NBEAL1: variants seen among roughly 807,000 people sequenced by gnomAD.
NBEAL1 encodes neurobeachin like 1.
A neutral mutation model predicts 351.3 loss-of-function variants in NBEAL1; 273 were observed. The ratio of observed to expected loss-of-function variants is 0.78; its 90% confidence interval spans 0.70 to 0.86. The LOEUF (loss-of-function observed/expected upper bound fraction) is 0.86. Among genes scored for constraint, NBEAL1 ranks in the 40% least tolerant of loss-of-function variants. The probability of loss-of-function intolerance (pLI) is 0.00; values close to 1 mark genes in which losing one functional copy is unlikely to be tolerated. For missense variants in NBEAL1, 2,961 were observed against 3,201.3 expected, an observed-to-expected ratio of 0.92 and a Z score of 1.81; for synonymous variants, 1,050 against 1,086.4, an observed-to-expected ratio of 0.97 and a Z score of 0.66.
At chr2:203,214,537 G>GA (rs1395933995) in intron 55 of NBEAL1, among the ~76,000 whole-genome samples, 2 of 152,224 alleles carry the variant, frequency 1.3e-5, no homozygotes, top group African/African-American at 4.8e-5. Flanking sequence ...CACTTTGGGG[G>GA]ACCGAGACGA....
chr2:203,204,813 AAGAAAAGCTAT>A (rs1248141666), intron 51 of NBEAL1, among the ~76,000 whole-genome samples: 1 of 152,112 alleles, frequency 6.6e-6, no homozygotes, highest in African/African-American at 2.4e-5. Flanking sequence ...TGTTAATATA[AAGAAAAGCTAT>A]ATAGTGATTT....
At chr2:203,031,547 A>AG (rs2060949547) in intron 2 of NBEAL1, among the ~76,000 whole-genome samples, 1 of 152,218 alleles carries the variant, frequency 6.6e-6, no homozygotes, top group Non-Finnish European at 1.5e-5. Context: ...GCACATGAAC[A>AG]GGCAAGAGCA....
At position 203,221,587 on chromosome 2, in the gene NBEAL1, C is replaced by G. The variant is rs968963187; in HGVS notation, c.*4233C>G. 3.3e-5 allele frequency among the ~76,000 whole-genome samples: 5 copies of G among 152,150 alleles called. No individual in the cohort carries two copies. Among genetic ancestry groups the G allele is most frequent in the African/African-American group, 9.7e-5 (4 of 41,438 alleles). On this transcript the variant is annotated 3_prime_UTR_variant, in exon 56 of 56. Transcript: ENST00000683969. The stretch of plus-strand genomic sequence containing the variant: ...TTTGCATCATCAGCCATACTCATGG[C>G]TTATCCTACGCATTGTTCCTCTCAT...
At chr2:203,041,629 A>T (rs1383865558) in intron 2 of NBEAL1, 136 bp from the exon 3 acceptor site, 1 of 624,098 alleles carries the variant, frequency 1.6e-6, no homozygotes, top group Non-Finnish European at 2.8e-6. Flanking sequence ...ACATTTTAAA[A>T]CAGCACATAT....
At chr2:203,136,515 A>T in intron 28 of NBEAL1, 84 bp from the exon 29 acceptor site, 1 of 996,168 alleles carries the variant, frequency 1.0e-6, no homozygotes, top group East Asian at 2.5e-5. Flanking sequence ...AAATGATTAC[A>T]ATGAGTATAT....
At chr2:203,172,059 C>A in intron 40 of NBEAL1, 36 bp downstream of exon 40, 1 of 1,261,102 alleles carries the variant, frequency 7.9e-7, no homozygotes, top group South Asian at 1.4e-5. Context: ...TGTGGAATTG[C>A]CCTACAGTTT....
In NBEAL1 at chr2:203,037,689, G is replaced by C. The variant is rs1387464622; in HGVS notation, c.52-4076G>C. ...TAGAACTTCATATAAGTGATATCAG[G>C]CTGGTCGAGGTGGCTCAACCTATAA... On this transcript the variant is annotated intron_variant, in intron 2 of 55. Coordinates refer to ENST00000683969, the MANE Select transcript of NBEAL1 (RefSeq NM_001378026.1). Among the ~76,000 whole-genome samples the C allele has an allele frequency of 4.0e-5, 6 of 148,954 alleles. No individual in the cohort carries two copies. The East Asian group carries it at 1.2e-3, about 29-fold the overall frequency.
rs1432340185 is a variant in NBEAL1, at chr2:203,113,268, T to C, written c.2456T>C (p.Ile819Thr). Residue 819 changes from isoleucine to threonine, a missense_variant, in exon 17 of 56, where the codon ATC becomes ACC. Ile to Thr is a moderately conservative substitution (Grantham distance 89). Coordinates refer to ENST00000683969, the MANE Select transcript of NBEAL1 (RefSeq NM_001378026.1). ...GAGGGTCAGCTAGGATCTGTTATCA[T>C]CTTTTATGAACCACTACAACCTCCT... ...SLEGQLGSVI[I>T]FYEPLQPPQV... is the part of the protein sequence containing the mutation. 8 of 1,486,396 alleles carry C rather than the reference T, an allele frequency of 5.4e-6. No individual in the cohort carries two copies. In the East Asian group the frequency reaches 2.0e-4, roughly 37 times the overall value. 92.1% of individuals were successfully genotyped at this position (1,486,396 alleles called of 1,614,324 possible).
At chr2:203,171,075 G>C (rs767982393) in intron 39 of NBEAL1, among the ~76,000 whole-genome samples, 2 of 151,200 alleles carry the variant, frequency 1.3e-5, no homozygotes, top group Admixed American at 6.6e-5. Flanking sequence ...TGGCCAACAT[G>C]GTGAAACCCC....
At chr2:203,119,423 G>GTTTTTTTTTTTTTTTTTTTTTT (rs1559379701) in intron 18 of NBEAL1, among the ~76,000 whole-genome samples, 6 of 21,432 alleles carry the variant, frequency 2.8e-4, no homozygotes, top group Non-Finnish European at 6.9e-4. Context: ...ACGGCCTGTT[G>GTTTTTTTTTTTTTTTTTTTTTT]CTTTTTTTTT....
chr2:203,126,042 C>A lies in NBEAL1; in HGVS notation c.2934C>A (p.Gly978=), dbSNP rs1256727284. The change falls in exon 21 of 56, where the codon GGC becomes GGA. Residue 978 remains glycine, a synonymous_variant. Coordinates refer to ENST00000683969, the MANE Select transcript of NBEAL1 (RefSeq NM_001378026.1). The part of the protein sequence containing the change: ...HFIQRHPINQ[G]NLIHSHGVAT... ...TTCAGAGACATCCTATCAACCAGGG[C>A]AATCTTATTCACTCCCATGGAGTTG... is the stretch of plus-strand genomic sequence containing the variant. The A allele has an allele frequency of 6.5e-7, 1 of 1,542,988 alleles. No homozygotes were observed. Among genetic ancestry groups the A allele is most frequent in the East Asian group, 2.5e-5 (1 of 40,624 alleles).
intron 34 of NBEAL1, 88 bp downstream of exon 34, chr2:203,149,236 T>G (rs1372076543): frequency 1.1e-6 from 1 of 876,846 alleles, no homozygotes; most frequent in African/African-American, 1.7e-5. Context: ...TTCACTCCAA[T>G]TTCTTAAATG....
intron 18 of NBEAL1, among the ~76,000 whole-genome samples, chr2:203,117,417 C>T (rs1013734997): frequency 7.9e-5 from 12 of 151,966 alleles, no homozygotes; most frequent in Non-Finnish European, 1.6e-4. Context: ...GAGCCGAGAT[C>T]GTGCCACTGC....
At chr2:203,142,987 C>A (rs541850210) in intron 31 of NBEAL1, among the ~76,000 whole-genome samples, 12 of 152,264 alleles carry the variant, frequency 7.9e-5, no homozygotes, top group African/African-American at 2.6e-4. Context: ...CTCTTGTTGC[C>A]TTATCCTGCA....
At chr2:203,108,588 A>AGAGATGGGGTTTCACCGTGT (rs1250857987) in intron 14 of NBEAL1, among the ~76,000 whole-genome samples, 1 of 151,406 alleles carries the variant, frequency 6.6e-6, no homozygotes, top group Non-Finnish European at 1.5e-5. Context: ...TTTTTTTCGT[A>AGAGATGGGGTTTCACCGTGT]GAGATGGGGT....
intron 50 of NBEAL1, among the ~76,000 whole-genome samples, chr2:203,202,154 G>GT (rs1406639474): frequency 6.6e-6 from 1 of 152,020 alleles, no homozygotes; most frequent in African/African-American, 2.4e-5. Flanking sequence ...CATTGAGTAG[G>GT]TTTTTTTCTA....
chr2:203,223,251 T>C lies in NBEAL1; in HGVS notation c.*5897T>C, dbSNP rs1005876227. On this transcript the variant is annotated 3_prime_UTR_variant, in exon 56 of 56. Coordinates refer to ENST00000683969, the MANE Select transcript of NBEAL1 (RefSeq NM_001378026.1). Reference sequence around the variant, plus strand: ...TGCCCATAATCTTATGAACTGAAAATTCAGAAGGAAAAGAACAAATAGAAA... The same window carrying C: ...TGCCCATAATCTTATGAACTGAAAACTCAGAAGGAAAAGAACAAATAGAAA... Among the ~76,000 whole-genome samples, 2 of 152,092 alleles carry C rather than the reference T, an allele frequency of 1.3e-5. No homozygotes were observed. The highest frequency in any genetic ancestry group is 2.9e-5 in the Non-Finnish European group (2 of 67,964).
At chr2:203,116,822 A>G (rs2106257991) in intron 18 of NBEAL1, among the ~76,000 whole-genome samples, 1 of 150,366 alleles carries the variant, frequency 6.7e-6, no homozygotes, top group South Asian at 2.1e-4. Context: ...GGGGCCCAGC[A>G]CAGTGGCTGT....
At chr2:203,130,226 G>T (rs2063042211) in intron 24 of NBEAL1, 92 bp from the exon 25 acceptor site, 2 of 1,188,906 alleles carry the variant, frequency 1.7e-6, no homozygotes, top group African/African-American at 1.6e-5. Flanking sequence ...CATTATATAG[G>T]ATTTAATTAA....
Sources: allele counts gnomAD v4.1 joint callset (sites outside exome capture counted in the v4.1 genomes callset), GRCh38; gene constraint gnomAD v4.1.1; transcripts MANE v1.5; gene names NCBI Gene and HGNC (gene_info 2026-07-23, HGNC 2026-07-21).